The following MYL7 variants were observed in gnomAD, a reference collection of about 807,000 sequenced individuals.
MYL7 encodes myosin regulatory light chain 2, atrial isoform.
Under a neutral mutation model 22.5 loss-of-function variants are expected in MYL7, and 27 were observed. The ratio of observed to expected loss-of-function variants is 1.20; its 90% CI spans 0.89 to 1.66. The LOEUF (loss-of-function observed/expected upper bound fraction) is 1.66, where lower values mean the gene tolerates loss of function less well. MYL7 is among the 40% of genes most tolerant of loss of function. MYL7 has a pLI of 0.00. For synonymous variants in MYL7, 81 were observed against 84.4 expected (o/e 0.96, Z 0.22); for missense variants, 209 against 226.8 (o/e 0.92, Z 0.50).
chr7:44,140,518 C>A, intron 3 of MYL7, 91 bp from the exon 4 acceptor site: 2 of 1,277,630 alleles, frequency 1.6e-6, no homozygotes, highest in African/African-American at 1.5e-5. Flanking sequence ...GCCACAGGGG[C>A]TGGAGGGGCA....
At chr7:44,140,193 GGGGTTCAGTTA>G (rs974378405) in intron 4 of MYL7, 119 bp downstream of exon 4, 2 of 738,224 alleles carry the variant, frequency 2.7e-6, no homozygotes, top group East Asian at 2.6e-5. Flanking sequence ...GGGTCCAGGT[GGGGTTCAGTTA>G]GGGTTCAGGT....
At chr7:44,139,147 C>G (rs978770056) in intron 6 of MYL7, 125 bp from the exon 7 acceptor site, 4 of 703,396 alleles carry the variant, frequency 5.7e-6, no homozygotes, top group African/African-American at 5.3e-5. Context: ...AGCTTTTCAA[C>G]CCTAGACCCC....
At chr7:44,139,457 G>C in intron 6 of MYL7, 64 bp downstream of exon 6, 1 of 1,571,710 alleles carries the variant, frequency 6.4e-7, no homozygotes, top group Non-Finnish European at 8.8e-7. Flanking sequence ...CTGGGCTCTG[G>C]GTCATGGGTG....
chr7:44,140,487 G>A lies in MYL7; in HGVS notation c.194-60C>T, dbSNP rs751815052. 4 of 1,439,960 alleles carry A rather than the reference G, an allele frequency of 2.8e-6. No individual in the cohort carries two copies. In the East Asian group the frequency reaches 6.9e-5, roughly 25 times the overall value. 89.2% of individuals were successfully genotyped at this position (1,439,960 alleles called of 1,614,324 possible). A position where few individuals can be genotyped will look rare whatever the true frequency, so the allele number is the denominator to read the frequency against. On this transcript the variant is annotated intron_variant, in intron 3 of 6. Coordinates refer to ENST00000223364, the MANE Select transcript of MYL7 (RefSeq NM_021223.3). ...CCCTGGGTGTCCCCCAGAAGGCCCA[G>A]GCCGCCCTCCCTCCATCCTGGCCAC...
chr7:44,139,712 C>A (rs2096262952), intron 5 of MYL7, 70 bp downstream of exon 5: 2 of 1,587,138 alleles, frequency 1.3e-6, no homozygotes, highest in African/African-American at 1.4e-5. Flanking sequence ...GGCAGCCCCC[C>A]TCACTAGGGG....
At chr7:44,140,679 C>G in intron 3 of MYL7, 33 bp downstream of exon 3, 1 of 1,570,368 alleles carries the variant, frequency 6.4e-7, no homozygotes. Context: ...AGTAGGGACC[C>G]CAGTGCGCAG....
intron 3 of MYL7, 111 bp downstream of exon 3, chr7:44,140,601 G>A (rs993949734): frequency 7.1e-4 from 879 of 1,242,278 alleles, no homozygotes; most frequent in South Asian, 8.4e-4. Context: ...GTGAGGAGAC[G>A]GGGAGGAGGG....
intron 6 of MYL7, 105 bp from the exon 7 acceptor site, chr7:44,139,127 T>A (rs1332423350): frequency 2.4e-6 from 2 of 850,472 alleles, no homozygotes; most frequent in Non-Finnish European, 3.8e-6. Flanking sequence ...GCATCTGTGC[T>A]TTTTGCCTTA....
intron 4 of MYL7, 53 bp from the exon 5 acceptor site, chr7:44,139,913 C>CT: frequency 1.3e-6 from 2 of 1,530,056 alleles, no homozygotes; most frequent in Non-Finnish European, 1.8e-6. Context: ...ATCCCAGGTC[C>CT]CCCGCAGGAG....
chr7:44,139,996 G>A lies in MYL7; in HGVS notation c.299-136C>T, dbSNP rs112337941. 2.9e-3 allele frequency: 2,283 copies of A among 795,316 alleles called. 6 individuals are homozygous for A. Among genetic ancestry groups the A allele is most frequent in the Admixed American group, 6.5e-3 (206 of 31,824 alleles). The allele number at this position is 795,316 out of a possible 1,614,324, so 49.3% of individuals were successfully genotyped here. ...TATTCCCTAACATAAAATGTTTCTC[G>A]GGGATCAGTGGGGCTGGGAATGGTC... On this transcript the variant is annotated intron_variant, in intron 4 of 6. Coordinates refer to ENST00000223364, the MANE Select transcript of MYL7 (RefSeq NM_021223.3).
intron 6 of MYL7, 151 bp downstream of exon 6, chr7:44,139,370 C>A (rs2096262454): frequency 2.2e-6 from 2 of 891,618 alleles, no homozygotes; most frequent in Non-Finnish European, 3.8e-6. Context: ...ACATCTTTAC[C>A]CTCTAGGTCT....
At position 44,139,825 on chromosome 7, in the gene MYL7, G is replaced by C. The variant is rs775993597; in HGVS notation, c.334C>G (p.Arg112Gly). Residue 112 changes from arginine to glycine, a missense_variant, in exon 5 of 7, where the codon CGC becomes GGC. Arg to Gly is a moderately radical substitution (Grantham distance 125). Coordinates refer to ENST00000223364, the MANE Select transcript of MYL7 (RefSeq NM_021223.3). Reference sequence around the variant, plus strand: ...CCTTTGCCGCTGGGGTCAAACATGCGGAAGGCACTCAGGATGGCTTCCTCG... The same window carrying C: ...CCTTTGCCGCTGGGGTCAAACATGCCGAAGGCACTCAGGATGGCTTCCTCG... Reference protein sequence around the residue: ...DPEEAILSAFRMFDPSGKGVV... With the variant: ...DPEEAILSAFGMFDPSGKGVV... The C allele has an allele frequency of 1.9e-6, 3 of 1,611,656 alleles. No individual in the cohort carries two copies. The African/African-American group carries it at 4.0e-5, about 22-fold the overall frequency.
Position 44,140,418 on chromosome 7 carries a change from C to G in MYL7, c.203G>C (p.Ser68Thr), listed in dbSNP as rs755402823. ...RETYSQLGKV[S>T]VPEEELDAML... The stretch of plus-strand genomic sequence containing the variant: ...GGCGTCCAGCTCCTCCTCTGGGACA[C>G]TCACCTTCCCTGGTGGGGGTGGGGC... Residue 68 changes from serine to threonine, a missense_variant, in exon 4 of 7, where the codon AGT becomes ACT. Coordinates refer to ENST00000223364, the MANE Select transcript of MYL7 (RefSeq NM_021223.3). The G allele has an allele frequency of 1.9e-6, 3 of 1,613,512 alleles. No homozygotes were observed. In the South Asian group the frequency reaches 3.3e-5, roughly 18 times the overall value.
intron 6 of MYL7, among the ~76,000 whole-genome samples, 156 bp from the exon 7 acceptor site, chr7:44,139,178 T>C (rs951828882): frequency 2.2e-4 from 33 of 152,310 alleles, no homozygotes; most frequent in African/African-American, 7.9e-4. Flanking sequence ...TTAATGTTTT[T>C]CTCTTGGCTG....
Position 44,140,325 on chromosome 7 carries a change from T to C in MYL7, c.296A>G (p.Asn99Ser), listed in dbSNP as rs148474161. Residue 99 changes from asparagine (N) to serine (S), a missense_variant and splice_region_variant, in exon 4 of 7, where the codon AAT becomes AGT. Coordinates refer to ENST00000223364, the MANE Select transcript of MYL7 (RefSeq NM_021223.3). ...VFLTLFGEKL[N>S]GTDPEEAILS... ...GCCCAGCTCTGTCCCAGGCTCACCA[T>C]TGAGCTTCTCCCCAAAGAGCGTGAG... 797 of 1,613,274 alleles carry C rather than the reference T, an allele frequency of 4.9e-4. No homozygotes were observed. The highest frequency in any genetic ancestry group is 6.5e-4 in the Non-Finnish European group (765 of 1,179,464).
At chr7:44,140,531 G>GGCA (rs2096264154) in intron 3 of MYL7, 104 bp from the exon 4 acceptor site, 1 of 1,211,608 alleles carries the variant, frequency 8.3e-7, no homozygotes, top group South Asian at 1.4e-5. Context: ...GAGGGGCAGA[G>GGCA]GCAGCTGTGG....
chr7:44,141,043 A>T lies in MYL7; in HGVS notation c.35T>A (p.Val12Glu). The change falls in exon 2 of 7, where the codon GTG becomes GAG. Residue 12 changes from valine to glutamate, a missense_variant. Physicochemically the swap from Val to Glu is moderately radical, Grantham distance 121 (BLOSUM62 -2). Coordinates refer to ENST00000223364, the MANE Select transcript of MYL7 (RefSeq NM_021223.3). ...ACGTTGGGCCTGCTTGGTGGCTGCC[A>T]CCTTGCCCCGGGTCCCCGCCTTCCT... Reference protein sequence around the residue: ...ASRKAGTRGKVAATKQAQRGS... With the variant: ...ASRKAGTRGKEAATKQAQRGS... 1 of 1,613,922 alleles carries T rather than the reference A, an allele frequency of 6.2e-7. No individual in the cohort carries two copies. Among genetic ancestry groups the T allele is most frequent in the Non-Finnish European group, 8.5e-7 (1 of 1,179,938 alleles).
intron 1 of MYL7, 23 bp downstream of exon 1, chr7:44,141,280 T>G (rs767383892): frequency 2.5e-5 from 40 of 1,613,888 alleles, no homozygotes; most frequent in Non-Finnish European, 3.3e-5. Context: ...ACCGCTAGCC[T>G]TTCTTCCCCA....
In MYL7 at chr7:44,140,695, G is replaced by T; in HGVS notation, c.193+17C>A. 1 of 1,590,520 alleles carries T rather than the reference G, an allele frequency of 6.3e-7. No homozygotes were observed. Among genetic ancestry groups the T allele is most frequent in the East Asian group, 2.2e-5 (1 of 44,728 alleles). On this transcript the variant is annotated intron_variant, in intron 3 of 6. Coordinates refer to ENST00000223364, the MANE Select transcript of MYL7 (RefSeq NM_021223.3). ...GTAGGGACCCCAGTGCGCAGGGTGG[G>T]AGGTGGGTGCACGCACCCAGCTGGG...
Sources: allele counts gnomAD v4.1 joint callset (sites outside exome capture counted in the v4.1 genomes callset), GRCh38; gene constraint gnomAD v4.1.1; transcripts MANE v1.5; gene names NCBI Gene and HGNC (gene_info 2026-07-23, HGNC 2026-07-21).